The following ADGRL2 variants were observed in gnomAD, a reference collection of about 807,000 sequenced individuals.
ADGRL2 encodes the protein calcium-independent alpha-latrotoxin receptor 2.
In ADGRL2, 44 loss-of-function variants were observed where a neutral mutation model predicts 157.4. The observed-to-expected ratio is 0.28, with a 90% CI of 0.22 to 0.36. The LOEUF is 0.36. Ranked by LOEUF, ADGRL2 falls within the 10% of genes least tolerant of loss-of-function variation. The pLI is 1.00. For missense variants in ADGRL2, 1,510 were observed against 1,768.9 expected, an observed-to-expected ratio of 0.85 and a Z score of 2.63; for synonymous variants, 585 against 624.7, an observed-to-expected ratio of 0.94 and a Z score of 0.95.
At chr1:81,696,112 C>A (rs979124577), upstream of ADGRL2, among the ~76,000 whole-genome samples, 4 of 152,098 alleles carry the variant, frequency 2.6e-5, no homozygotes, top group African/African-American at 4.8e-5. Flanking sequence ...AACAAAAGAA[C>A]TATTCATAAG....
chr1:81,522,131 A>G lies in ADGRL2; in HGVS notation c.-247-58745A>G, dbSNP rs144699190. Among the ~76,000 whole-genome samples, 259 of 151,782 alleles carry G rather than the reference A, an allele frequency of 1.7e-3. 1 individual carries two copies. Among genetic ancestry groups the G allele is most frequent in the African/African-American group, 6.1e-3 (253 of 41,388 alleles). ...AGGCGCACACCACTGTACCCAGCTA[A>G]TTTTTGTATTTGTAGTAGAGATGGG... On this transcript the variant is annotated intron_variant, in intron 2 of 24. Coordinates refer to the ADGRL2 transcript ENST00000370721.
intron 3 of ADGRL2, among the ~76,000 whole-genome samples, chr1:81,581,678 T>C (rs1201226916): frequency 6.6e-6 from 1 of 152,132 alleles, no homozygotes; most frequent in African/African-American, 2.4e-5. Flanking sequence ...ATCTCTAATA[T>C]TACATGATAT....
At chr1:81,648,201 C>T (rs1216223583) in intron 3 of ADGRL2, among the ~76,000 whole-genome samples, 3 of 152,186 alleles carry the variant, frequency 2.0e-5, no homozygotes, top group Non-Finnish European at 4.4e-5. Context: ...TGGCTGTTAA[C>T]TTAGAGCTGA....
intron 1 of ADGRL2, among the ~76,000 whole-genome samples, chr1:81,434,690 T>G (rs904481114): frequency 1.3e-5 from 2 of 152,178 alleles, no homozygotes; most frequent in Admixed American, 6.5e-5. Context: ...AAAATTAGAA[T>G]GAGTATCATC....
chr1:81,517,387 C>A (rs1192412693), intron 2 of ADGRL2, among the ~76,000 whole-genome samples: 6 of 146,118 alleles, frequency 4.1e-5, no homozygotes, highest in African/African-American at 1.6e-4. Flanking sequence ...GGTGCTTGAA[C>A]CTGGGAGGTG....
chr1:81,391,110 C>A (rs1170358604), intron 1 of ADGRL2, among the ~76,000 whole-genome samples: 1 of 152,304 alleles, frequency 6.6e-6, no homozygotes, highest in African/African-American at 2.4e-5. Context: ...GTGTAACAGG[C>A]AATCAAGTTT....
At chr1:81,667,527 C>T (rs955149766) in intron 3 of ADGRL2, among the ~76,000 whole-genome samples, 2 of 152,290 alleles carry the variant, frequency 1.3e-5, no homozygotes, top group Middle Eastern at 3.4e-3. Flanking sequence ...GAATGTCTTT[C>T]GTCTGTCAAC....
intron 1 of ADGRL2, among the ~76,000 whole-genome samples, chr1:81,421,258 G>T (rs988897457): frequency 2.0e-5 from 3 of 152,134 alleles, no homozygotes; most frequent in South Asian, 2.1e-4. Context: ...CCTACAATTT[G>T]CTGGGTTTGT....
At chr1:81,599,179 C>T (rs2081291214) in intron 3 of ADGRL2, among the ~76,000 whole-genome samples, 1 of 152,154 alleles carries the variant, frequency 6.6e-6, no homozygotes, top group African/African-American at 2.4e-5. Flanking sequence ...CTTCACTTTC[C>T]CAAGTATGCC....
At chr1:81,446,929 T>G (rs2077607850) in intron 2 of ADGRL2, among the ~76,000 whole-genome samples, 1 of 152,136 alleles carries the variant, frequency 6.6e-6, no homozygotes, top group Non-Finnish European at 1.5e-5. Context: ...AACTAAAATG[T>G]GGAAAATGGC....
chr1:81,329,776 T>C (rs374110369), intron 1 of ADGRL2, among the ~76,000 whole-genome samples: 2 of 152,208 alleles, frequency 1.3e-5, no homozygotes, highest in African/African-American at 4.8e-5. Flanking sequence ...GCAACTGTTA[T>C]TTCCAAAGCT....
intron 2 of ADGRL2, among the ~76,000 whole-genome samples, chr1:81,482,159 A>G (rs562047383): frequency 2.8e-4 from 43 of 152,350 alleles, no homozygotes; most frequent in African/African-American, 7.5e-4. Context: ...CACTGCTATG[A>G]TTGCATTCAT....
At chr1:81,448,473 G>C (rs2077643334) in intron 2 of ADGRL2, among the ~76,000 whole-genome samples, 1 of 151,942 alleles carries the variant, frequency 6.6e-6, no homozygotes, top group Non-Finnish European at 1.5e-5. Context: ...AAATTACCCT[G>C]TCTCAGATAT....
Position 81,753,522 on chromosome 1 carries a change from G to A in ADGRL2, c.-142-8289G>A, listed in dbSNP as rs566412100. 1.2e-4 allele frequency among the ~76,000 whole-genome samples: 18 copies of A among 152,250 alleles called. No homozygotes were observed. The East Asian group carries it at 3.5e-3, about 29-fold the overall frequency. On this transcript the variant is annotated intron_variant, in intron 1 of 20. Transcript: ENST00000359929. ...AACATAGGTAAAATGAGAGCATCAA[G>A]TAAATTTATGGAGTAGGGTTGAATA... is the stretch of plus-strand genomic sequence containing the variant.
intron 2 of ADGRL2, among the ~76,000 whole-genome samples, chr1:81,493,347 T>C (rs1274581861): frequency 6.6e-6 from 1 of 152,090 alleles, no homozygotes; most frequent in Non-Finnish European, 1.5e-5. Flanking sequence ...TTGCTGTCCA[T>C]CAAACATAGG....
intron 1 of ADGRL2, among the ~76,000 whole-genome samples, chr1:81,330,360 T>C (rs1661189049): frequency 6.6e-6 from 1 of 152,154 alleles, no homozygotes; most frequent in Admixed American, 6.5e-5. Context: ...GCAGGTCATA[T>C]CTGATTAAAG....
intron 1 of ADGRL2, among the ~76,000 whole-genome samples, chr1:81,415,603 T>G (rs1370905917): frequency 6.6e-6 from 1 of 152,188 alleles, no homozygotes; most frequent in East Asian, 1.9e-4. Flanking sequence ...TTCAACAAAG[T>G]AAGAATTAGC....
intron 1 of ADGRL2, among the ~76,000 whole-genome samples, chr1:81,727,984 T>C (rs955606341): frequency 2.0e-5 from 3 of 152,124 alleles, no homozygotes; most frequent in African/African-American, 2.4e-5. Context: ...ACACCTAGAG[T>C]ATATTTAATA....
chr1:81,426,680 A>AG (rs1257940671), intron 1 of ADGRL2: 1 of 469,572 alleles, frequency 2.1e-6, no homozygotes, highest in Non-Finnish European at 4.1e-6. Flanking sequence ...AAAACGTTCC[A>AG]GGGGGTTTGG....
Sources: gnomAD v4.1 joint callset for allele counts (sites outside exome capture counted in the v4.1 genomes callset) on GRCh38, gnomAD v4.1.1 for gene constraint, MANE v1.5 for transcripts, NCBI Gene and HGNC (gene_info 2026-07-23, HGNC 2026-07-21) for gene names.